NAMPT: variants seen among roughly 807,000 people sequenced by gnomAD.
The protein encoded by NAMPT is NAmPRTase.
Under a neutral mutation model 58.7 loss-of-function variants are expected in NAMPT, and 7 were observed. The observed-to-expected ratio is 0.12, with a 90% CI of 0.07 to 0.22. The LOEUF (loss-of-function observed/expected upper bound fraction) is 0.22. Ranked by LOEUF, NAMPT falls within the 10% of genes least tolerant of loss-of-function variation. The pLI, the probability that NAMPT is intolerant of heterozygous loss-of-function variation, is 1.00. For synonymous variants in NAMPT, 145 were observed against 198.1 expected (o/e 0.73, Z 2.25); for missense variants, 271 against 567.9 (o/e 0.48, Z 5.31).
intron 6 of NAMPT, 61 bp downstream of exon 6, chr7:106,268,401 ACT>A: frequency 1.3e-6 from 2 of 1,496,804 alleles, no homozygotes; most frequent in Non-Finnish European, 1.8e-6. Context: ...GTAAAATGTC[ACT>A]GAGTTACAAA....
chr7:106,268,397 T>C (rs1205706312), intron 6 of NAMPT, 67 bp downstream of exon 6: 17 of 1,476,822 alleles, frequency 1.2e-5, no homozygotes, highest in African/African-American at 1.1e-4. Context: ...TTAGGTAAAA[T>C]GTCACTGAGT....
intron 2 of NAMPT, 152 bp downstream of exon 2, chr7:106,276,871 G>GAAAACTTTTCT (rs1792657666): frequency 3.2e-6 from 2 of 622,694 alleles, no homozygotes; most frequent in African/African-American, 1.9e-5. Flanking sequence ...TTTTATTTCA[G>GAAAACTTTTCT]AAAACTTTTC....
chr7:106,254,010 T>TTA (rs1437579127), intron 9 of NAMPT, among the ~76,000 whole-genome samples: 2 of 152,144 alleles, frequency 1.3e-5, no homozygotes, highest in African/African-American at 4.8e-5. Flanking sequence ...TGGTCAGTGA[T>TTA]TATATACTTG....
Position 106,266,130 on chromosome 7 carries a change from C to T in NAMPT, c.743+2334G>A, listed in dbSNP as rs534632262. ...CAGCCGGAAGGTCACCCAGGTTTCC[C>T]AACTTTCAGTCCAATCCTCTTTTTG... is the stretch of plus-strand genomic sequence containing the variant. On this transcript the variant is annotated intron_variant, in intron 6 of 10. Transcript: ENST00000222553. Among the ~76,000 whole-genome samples, 327 of 152,300 alleles carry T rather than the reference C, an allele frequency of 2.1e-3. 3 individuals are homozygous for T. The highest frequency in any genetic ancestry group is 6.8e-3 in the Middle Eastern group (2 of 294).
At chr7:106,254,117 C>G (rs1176936841) in intron 9 of NAMPT, among the ~76,000 whole-genome samples, 1 of 152,112 alleles carries the variant, frequency 6.6e-6, no homozygotes, top group Non-Finnish European at 1.5e-5. Context: ...AATGACTGAC[C>G]TGTATTATCT....
At chr7:106,272,721 A>G in intron 3 of NAMPT, 63 bp from the exon 4 acceptor site, 1 of 1,576,100 alleles carries the variant, frequency 6.3e-7, no homozygotes, top group Non-Finnish European at 8.7e-7. Context: ...CTGCTGTTTT[A>G]CTAAAGGTTC....
intron 5 of NAMPT, 101 bp from the exon 6 acceptor site, chr7:106,268,701 C>T: frequency 2.5e-6 from 2 of 792,194 alleles, no homozygotes; most frequent in East Asian, 4.9e-5. Flanking sequence ...GCATAGCTCC[C>T]ATAAGAATTG....
intron 10 of NAMPT, among the ~76,000 whole-genome samples, chr7:106,252,148 T>C (rs1190263735): frequency 6.6e-6 from 1 of 152,074 alleles, no homozygotes; most frequent in African/African-American, 2.4e-5. Flanking sequence ...CTTAAATCAG[T>C]GTCTTTTAAA....
At chr7:106,284,726 G>GC in intron 1 of NAMPT, 102 bp downstream of exon 1, 50 of 464,960 alleles carry the variant, frequency 1.1e-4, no homozygotes, top group South Asian at 1.5e-4. Flanking sequence ...CCTAGCCCCA[G>GC]CCCCAGCCCC....
chr7:106,263,103 A>T (rs1199478010), intron 7 of NAMPT: 3 of 376,826 alleles, frequency 8.0e-6, no homozygotes, highest in Non-Finnish European at 1.4e-5. Context: ...CCCAAATCAT[A>T]GGATTAATTA....
Position 106,268,614 on chromosome 7 carries a change from C to G in NAMPT, c.607-14G>C, listed in dbSNP as rs1792472873. Reference sequence around the variant, plus strand: ...TATGCCAGCAGTCTGGAAAATCAATCATAAACCAAAATCCAAAACAGAAAG... The same window carrying G: ...TATGCCAGCAGTCTGGAAAATCAATGATAAACCAAAATCCAAAACAGAAAG... On this transcript the variant is annotated splice_polypyrimidine_tract_variant and intron_variant, in intron 5 of 10. Coordinates refer to ENST00000222553, the MANE Select transcript of NAMPT (RefSeq NM_005746.3). 6.2e-7 allele frequency: 1 copy of G among 1,600,184 alleles called. No individual in the cohort carries two copies. Among genetic ancestry groups the G allele is most frequent in the Admixed American group, 1.7e-5 (1 of 59,790 alleles).
chr7:106,284,155 A>T (rs1487895140), intron 1 of NAMPT, among the ~76,000 whole-genome samples: 4 of 152,128 alleles, frequency 2.6e-5, no homozygotes, highest in African/African-American at 9.7e-5. Context: ...CGGCCTCTAC[A>T]CCCAGGGATA....
chr7:106,269,626 T>G (rs539515560), intron 4 of NAMPT, among the ~76,000 whole-genome samples: 18 of 152,304 alleles, frequency 1.2e-4, no homozygotes, highest in Admixed American at 3.9e-4. Context: ...GGATCAATTT[T>G]TAGAAAGTTT....
At chr7:106,268,433 G>C in intron 6 of NAMPT, 31 bp downstream of exon 6, 2 of 1,588,634 alleles carry the variant, frequency 1.3e-6, no homozygotes, top group Non-Finnish European at 1.7e-6. Context: ...GAAAAAATTA[G>C]TAGTTTTAAA....
At chr7:106,253,410 T>C (rs895777040) in intron 9 of NAMPT, 2 of 370,398 alleles carry the variant, frequency 5.4e-6, no homozygotes, top group Admixed American at 8.6e-5. Flanking sequence ...ACTCCATTTG[T>C]AGGAAGTCTG....
intron 2 of NAMPT, chr7:106,275,311 A>G (rs1200100699): frequency 1.3e-5 from 3 of 235,270 alleles, no homozygotes; most frequent in Non-Finnish European, 2.4e-5. Flanking sequence ...TTTAAAAATG[A>G]TATTAACTTA....
At chr7:106,255,953 CAAAG>C (rs1484048419) in intron 8 of NAMPT, among the ~76,000 whole-genome samples, 1 of 152,130 alleles carries the variant, frequency 6.6e-6, no homozygotes. Context: ...GAGGAAATAA[CAAAG>C]AACAGTATCA....
chr7:106,259,580 C>T (rs997790384), intron 8 of NAMPT, among the ~76,000 whole-genome samples: 1 of 151,910 alleles, frequency 6.6e-6, no homozygotes, highest in Non-Finnish European at 1.5e-5. Flanking sequence ...ATGCATTGCC[C>T]CACCCAGCTA....
At chr7:106,285,165 G>C, upstream of NAMPT, 2 of 1,246,694 alleles carry the variant, frequency 1.6e-6, no homozygotes, top group Non-Finnish European at 2.0e-6. Flanking sequence ...CACCCTCCGG[G>C]GGCCGAGAAA....
Sources: gnomAD v4.1 joint callset for allele counts (sites outside exome capture counted in the v4.1 genomes callset) on GRCh38, gnomAD v4.1.1 for gene constraint, MANE v1.5 for transcripts, NCBI Gene and HGNC (gene_info 2026-07-23, HGNC 2026-07-21) for gene names.